The following BICD2 variants were observed in gnomAD, a reference collection of about 807,000 sequenced individuals.
BICD2 encodes BICD cargo adaptor 2.
A neutral mutation model predicts 72.9 loss-of-function variants in BICD2; 25 were observed. The observed-to-expected ratio is 0.34, with a 90% CI of 0.25 to 0.48. The LOEUF (loss-of-function observed/expected upper bound fraction) is 0.48. BICD2 is among the 20% of genes least tolerant of loss of function. The probability of loss-of-function intolerance (pLI) is 0.99; values close to 1 mark genes in which losing one functional copy is unlikely to be tolerated. For synonymous variants in BICD2, 501 were observed against 516.1 expected (o/e 0.97, Z 0.40); for missense variants, 894 against 1,175.2 (o/e 0.76, Z 3.50).
At chr9:92,732,480 C>T (rs1053805343) in intron 1 of BICD2, among the ~76,000 whole-genome samples, 1 of 152,118 alleles carries the variant, frequency 6.6e-6, no homozygotes, top group Admixed American at 6.6e-5. Context: ...AGCAGCTTGT[C>T]AACACCAAGC....
At chr9:92,759,906 C>T (rs1459397576) in intron 1 of BICD2, among the ~76,000 whole-genome samples, 1 of 152,222 alleles carries the variant, frequency 6.6e-6, no homozygotes, top group Non-Finnish European at 1.5e-5. Context: ...AAGGAAGGGA[C>T]TGTGGTCCCT....
At chr9:92,744,613 G>A (rs911676612) in intron 1 of BICD2, among the ~76,000 whole-genome samples, 6 of 152,098 alleles carry the variant, frequency 3.9e-5, no homozygotes, top group Non-Finnish European at 7.4e-5. Flanking sequence ...AGGCCGAGGC[G>A]GGCGGATCAT....
At position 92,713,437 on chromosome 9, in the gene BICD2, A is replaced by G; in HGVS notation, c.*1717T>C. On this transcript the variant is annotated 3_prime_UTR_variant, in exon 7 of 7. Transcript: ENST00000356884. ...GCAGTGTGACAGGGCCGGGTGGCCAAGTCCTCCTGGCAGCTACTCTACAGC... is the reference window on the plus strand; with the variant it reads ...GCAGTGTGACAGGGCCGGGTGGCCAGGTCCTCCTGGCAGCTACTCTACAGC... 3 of 1,588,830 alleles carry G rather than the reference A, an allele frequency of 1.9e-6. No homozygotes were observed. Among genetic ancestry groups the G allele is most frequent in the Non-Finnish European group, 2.6e-6 (3 of 1,166,448 alleles).
intron 1 of BICD2, among the ~76,000 whole-genome samples, chr9:92,734,149 A>C (rs1853730278): frequency 6.6e-6 from 1 of 152,234 alleles, no homozygotes; most frequent in Admixed American, 6.5e-5. Context: ...AAAAGAGTAT[A>C]TGTTGTGCGA....
At position 92,715,364 on chromosome 9, in the gene BICD2, G is replaced by T. The variant is rs2131496275; in HGVS notation, c.2358C>A (p.Ile786=). The change falls in exon 7 of 7, where the codon ATC becomes ATA. Residue 786 remains isoleucine (I), a synonymous_variant. Transcript: ENST00000356884. ...KTLNSLLRMA[I]QQKLALTQRL... is the part of the protein sequence containing the mutation. ...GCTGGGTCAGCGCCAGCTTCTGCTG[G>T]ATGGCCATGCGCAGCAGCGAGTTCA... The T allele has an allele frequency of 6.2e-7, 1 of 1,613,098 alleles. No individual in the cohort carries two copies. Among genetic ancestry groups the T allele is most frequent in the Non-Finnish European group, 8.5e-7 (1 of 1,179,740 alleles).
At chr9:92,752,979 G>A (rs1854180799) in intron 1 of BICD2, among the ~76,000 whole-genome samples, 1 of 152,168 alleles carries the variant, frequency 6.6e-6, no homozygotes, top group Admixed American at 6.5e-5. Flanking sequence ...AATAACTTTA[G>A]AGTGGCGGTC....
chr9:92,756,010 T>C lies in BICD2; in HGVS notation c.240+8495A>G, dbSNP rs1484433842. On this transcript the variant is annotated intron_variant, in intron 1 of 6. Transcript: ENST00000356884. ...CCAAGAATGGCTGAGTCCACTGCCA[T>C]GCTAGTAAGAGTATGAGTGGTCCTC... Among the ~76,000 whole-genome samples, 5 of 152,200 alleles carry C rather than the reference T, an allele frequency of 3.3e-5. No individual in the cohort carries two copies. The East Asian group carries it at 9.6e-4, about 29-fold the overall frequency.
chr9:92,764,155 C>G lies in BICD2; in HGVS notation c.240+350G>C, dbSNP rs1854431429. 6.6e-6 allele frequency among the ~76,000 whole-genome samples: 1 copy of G among 152,086 alleles called. No individual in the cohort carries two copies. The highest frequency in any genetic ancestry group is 1.5e-5 in the Non-Finnish European group (1 of 67,990). On this transcript the variant is annotated intron_variant, in intron 1 of 6. Transcript: ENST00000356884. This position sits in a 1 kb window ranked among gnomAD's most constrained non-coding sequence, Gnocchi z 5.5. ...CCGGCTCAGCCACTGCCCTCCCAACCCCACCCCACACTCAGACACACCCGG... is the reference window on the plus strand; with the variant it reads ...CCGGCTCAGCCACTGCCCTCCCAACGCCACCCCACACTCAGACACACCCGG...
intron 1 of BICD2, among the ~76,000 whole-genome samples, chr9:92,732,838 C>T (rs1409932446): frequency 6.6e-6 from 1 of 152,060 alleles, no homozygotes; most frequent in Non-Finnish European, 1.5e-5. Flanking sequence ...AAAAATAATA[C>T]CATATGGAAA....
Position 92,712,066 on chromosome 9 carries a change from T to G in BICD2, c.*3088A>C, listed in dbSNP as rs1482260398. 1 of 152,634 alleles carries G rather than the reference T, an allele frequency of 6.6e-6. No homozygotes were observed. Among genetic ancestry groups the G allele is most frequent in the Non-Finnish European group, 1.5e-5 (1 of 68,050 alleles). 9.5% of individuals were successfully genotyped at this position (152,634 alleles called of 1,614,324 possible). A position where few individuals can be genotyped will look rare whatever the true frequency, so the allele number is the denominator to read the frequency against. ...TCACATTTGCAAAGAATACTATGGC[T>G]AACCCTCATCCCCTACTGCGCATGC... On this transcript the variant is annotated 3_prime_UTR_variant, in exon 7 of 7. Transcript: ENST00000356884.
chr9:92,745,693 C>A (rs907719388), intron 1 of BICD2, among the ~76,000 whole-genome samples: 3 of 152,328 alleles, frequency 2.0e-5, no homozygotes, highest in African/African-American at 7.2e-5. Context: ...CCAATGTAAG[C>A]TCATTAGCTT....
intron 1 of BICD2, among the ~76,000 whole-genome samples, chr9:92,739,563 A>G (rs10992442): frequency 6.6e-6 from 1 of 152,116 alleles, no homozygotes; most frequent in Non-Finnish European, 1.5e-5. Context: ...CAGGGAGGCA[A>G]AGCCTTTGGA....
At chr9:92,728,550 T>G (rs1338033839) in intron 2 of BICD2, among the ~76,000 whole-genome samples, 1 of 152,112 alleles carries the variant, frequency 6.6e-6, no homozygotes, top group Non-Finnish European at 1.5e-5. Flanking sequence ...CCCCTAATTC[T>G]CAGACACGCA....
At chr9:92,763,671 G>A (rs1854417810) in intron 1 of BICD2, among the ~76,000 whole-genome samples, 1 of 152,024 alleles carries the variant, frequency 6.6e-6, no homozygotes, top group Admixed American at 6.6e-5. Context: ...CCTGCCGCCT[G>A]GAGACCCTCG....
At position 92,718,921 on chromosome 9, in the gene BICD2, G is replaced by T. The variant is rs755545048; in HGVS notation, c.1724C>A (p.Pro575His). The T allele has an allele frequency of 2.5e-6, 4 of 1,607,294 alleles. No individual in the cohort carries two copies. Among genetic ancestry groups the T allele is most frequent in the Non-Finnish European group, 3.4e-6 (4 of 1,178,586 alleles). ...GGGTGAGCGCCGGCCACGCGCCTCGGGGCTGGTGCGGCCCCCGGGACTGGT... is the reference window on the plus strand; with the variant it reads ...GGGTGAGCGCCGGCCACGCGCCTCGTGGCTGGTGCGGCCCCCGGGACTGGT... ...GRTSPGGRTS[P>H]EARGRRSPIL... The change falls in exon 5 of 7, where the codon CCC (proline) becomes CAC (histidine). Residue 575 changes from proline to histidine, a missense_variant. By Grantham distance (77) the Pro-to-His change is moderately conservative. Coordinates refer to ENST00000356884, the MANE Select transcript of BICD2 (RefSeq NM_001003800.2).
rs922180779 is a variant in BICD2 at position 92,731,120 on chromosome 9, G to A, written c.241-1884C>T. ...AAGTCCCTCATTGGGTGAAGGGCCC[G>A]CCGGCTGCAGGCGGCATGGGCAGCG... On this transcript the variant is annotated intron_variant, in intron 1 of 6. Coordinates refer to ENST00000356884, the MANE Select transcript of BICD2 (RefSeq NM_001003800.2). Among the ~76,000 whole-genome samples the A allele has an allele frequency of 7.9e-5, 12 of 152,306 alleles. No individual in the cohort carries two copies. The East Asian group carries it at 1.2e-3, about 15-fold the overall frequency.
intron 3 of BICD2, among the ~76,000 whole-genome samples, chr9:92,721,245 A>C (rs1394106876): frequency 1.3e-5 from 2 of 152,258 alleles, no homozygotes; most frequent in African/African-American, 4.8e-5. Flanking sequence ...ATAAAAATAT[A>C]TTTCAATGTG....
intron 1 of BICD2, among the ~76,000 whole-genome samples, chr9:92,758,209 A>G (rs1251624306): frequency 6.7e-6 from 1 of 148,322 alleles, no homozygotes; most frequent in Non-Finnish European, 1.5e-5. Flanking sequence ...GTCTCAAATA[A>G]TAATAATAAT....
chr9:92,730,655 G>C (rs1167858211), intron 1 of BICD2, among the ~76,000 whole-genome samples: 1 of 152,200 alleles, frequency 6.6e-6, no homozygotes, highest in Non-Finnish European at 1.5e-5. Context: ...TGTGATGTAT[G>C]TGTTGTGTGT....
Sources: allele counts gnomAD v4.1 joint callset (sites outside exome capture counted in the v4.1 genomes callset), GRCh38; gene constraint gnomAD v4.1.1; non-coding constraint Gnocchi (gnomAD v3.1); transcripts MANE v1.5; gene names NCBI Gene and HGNC (gene_info 2026-07-23, HGNC 2026-07-21).